Variants in SYT16 observed in about 807,000 individuals in gnomAD.
SYT16 encodes the protein synaptotagmin-16.
A neutral mutation model predicts 61.4 loss-of-function variants in SYT16; 42 were observed. The observed-to-expected ratio is 0.68, with a 90% CI of 0.53 to 0.89. The LOEUF is 0.89. SYT16 is among the 40% of genes least tolerant of loss of function. The probability of loss-of-function intolerance (pLI) is 0.00; values close to 1 mark genes in which losing one functional copy is unlikely to be tolerated. For missense variants in SYT16, 804 were observed against 807.3 expected (o/e 1.00, Z 0.05); for synonymous variants, 314 against 302.3 (o/e 1.04, Z -0.40).
intron 1 of SYT16, among the ~76,000 whole-genome samples, chr14:61,893,342 A>G (rs1232545621): frequency 1.3e-5 from 2 of 152,196 alleles, no homozygotes; most frequent in Non-Finnish European, 2.9e-5. Context: ...AATGCCTTTC[A>G]TTCCTTCTTT....
intron 3 of SYT16, among the ~76,000 whole-genome samples, chr14:62,062,799 A>T (rs2140922757): frequency 6.6e-6 from 1 of 151,608 alleles, no homozygotes; most frequent in South Asian, 2.1e-4. Context: ...TGAAAGTAGC[A>T]CTCGGGTACT....
At chr14:62,065,172 C>CT (rs2056008709) in intron 3 of SYT16, among the ~76,000 whole-genome samples, 3 of 152,206 alleles carry the variant, frequency 2.0e-5, no homozygotes, top group African/African-American at 7.2e-5. Flanking sequence ...CTGAACCTTA[C>CT]TGTGAGGAGT....
intron 1 of SYT16, among the ~76,000 whole-genome samples, chr14:61,824,024 C>T (rs148214810): frequency 6.6e-6 from 1 of 152,194 alleles, no homozygotes; most frequent in Admixed American, 6.5e-5. Context: ...ATCCTGGAGA[C>T]AAACATTTTT....
rs534590385 is a variant in SYT16 at position 62,052,163 on chromosome 14, T to G, written c.524-17440T>G. On this transcript the variant is annotated intron_variant, in intron 3 of 7. Coordinates refer to ENST00000683842, the MANE Select transcript of SYT16 (RefSeq NM_001367656.1). Reference sequence around the variant, plus strand: ...ATCTTAAGTTGACCATTTATCATATTAGTTTTTCAATCTTTTTTTGCTTTC... The same window carrying G: ...ATCTTAAGTTGACCATTTATCATATGAGTTTTTCAATCTTTTTTTGCTTTC... Among the ~76,000 whole-genome samples, 31 of 152,338 alleles carry G rather than the reference T, an allele frequency of 2.0e-4. 1 individual carries two copies. The South Asian group carries it at 6.4e-3, about 32-fold the overall frequency.
chr14:62,105,278 A>G lies in SYT16; in HGVS notation c.*4571A>G, dbSNP rs1187942062. The stretch of plus-strand genomic sequence containing the variant: ...CCAGTTCTCTTATTCATAAATGGAC[A>G]AGGCATCTTGTCGCCTTTATCAAAA... On this transcript the variant is annotated 3_prime_UTR_variant, in exon 8 of 8. Transcript: ENST00000683842. 6.6e-6 allele frequency: 1 copy of G among 152,210 alleles called. No homozygotes were observed. Among genetic ancestry groups the G allele is most frequent in the African/African-American group, 2.4e-5 (1 of 41,456 alleles). 9.4% of individuals were successfully genotyped at this position (152,210 alleles called of 1,614,324 possible).
intron 1 of SYT16, among the ~76,000 whole-genome samples, chr14:61,965,966 T>C (rs2051298914): frequency 6.6e-6 from 1 of 152,122 alleles, no homozygotes; most frequent in African/African-American, 2.4e-5. Context: ...ACTGAAAAAT[T>C]CTGTTGCCCA....
rs370799844 is a variant in SYT16, at chr14:61,831,622, T to C, written c.-325+18812T>C. Among the ~76,000 whole-genome samples, 210 of 152,350 alleles carry C rather than the reference T, an allele frequency of 1.4e-3. 8 individuals are homozygous for C. In the South Asian group the frequency reaches 0.043, roughly 31 times the overall value. Reference sequence around the variant, plus strand: ...ATCTCTTTCTGTGTTTCTTATCTGTTAACTATTCATTGATTCATATTCATA... The same window carrying C: ...ATCTCTTTCTGTGTTTCTTATCTGTCAACTATTCATTGATTCATATTCATA... On this transcript the variant is annotated intron_variant, in intron 1 of 7. Transcript: ENST00000683842.
intron 4 of SYT16, among the ~76,000 whole-genome samples, chr14:62,074,760 G>A (rs2056423042): frequency 6.6e-6 from 1 of 152,140 alleles, no homozygotes; most frequent in African/African-American, 2.4e-5. Context: ...AGGAAGCATG[G>A]TAGAGTCGGG....
chr14:62,100,253 C>T, intron 7 of SYT16, 141 bp from the exon 8 acceptor site: 1 of 706,642 alleles, frequency 1.4e-6, no homozygotes, highest in Non-Finnish European at 2.3e-6. Flanking sequence ...TGCCCAACAG[C>T]AAGAACCAGG....
At chr14:62,088,105 C>T (rs535824914) in intron 7 of SYT16, among the ~76,000 whole-genome samples, 4 of 152,094 alleles carry the variant, frequency 2.6e-5, no homozygotes, top group East Asian at 1.9e-4. Context: ...CTAGCAGTTA[C>T]GTTCTTGGGC....
chr14:61,833,502 G>A (rs1281243038), intron 1 of SYT16, among the ~76,000 whole-genome samples: 1 of 151,690 alleles, frequency 6.6e-6, no homozygotes, highest in Non-Finnish European at 1.5e-5. Flanking sequence ...ATGTTGGTCA[G>A]GCTGGTCTCG....
At chr14:62,088,156 G>A (rs1427805329) in intron 7 of SYT16, among the ~76,000 whole-genome samples, 1 of 152,198 alleles carries the variant, frequency 6.6e-6, no homozygotes, top group Non-Finnish European at 1.5e-5. Context: ...ACCCATGCAA[G>A]AATGTTTATA....
intron 1 of SYT16, among the ~76,000 whole-genome samples, chr14:61,870,902 G>A (rs1365438782): frequency 1.3e-4 from 19 of 151,726 alleles, no homozygotes; most frequent in East Asian, 5.8e-4. Context: ...GTCATTACTG[G>A]GTCTGTTTCT....
intron 3 of SYT16, among the ~76,000 whole-genome samples, chr14:62,051,668 C>T (rs1411981487): frequency 6.6e-6 from 1 of 152,140 alleles, no homozygotes; most frequent in East Asian, 1.9e-4. Flanking sequence ...TTATTTTTTT[C>T]TCTTTGGATT....
intron 3 of SYT16, among the ~76,000 whole-genome samples, chr14:62,044,862 G>T (rs907367501): frequency 6.6e-6 from 1 of 152,140 alleles, no homozygotes; most frequent in South Asian, 2.1e-4. Context: ...ATTTTGTGGA[G>T]AGTGCAGTGG....
chr14:61,881,468 T>C (rs1173164494), intron 1 of SYT16, among the ~76,000 whole-genome samples: 1 of 152,240 alleles, frequency 6.6e-6, no homozygotes, highest in Admixed American at 6.5e-5. Flanking sequence ...TCAAATCCAA[T>C]AGATGGCTCT....
At chr14:61,886,109 C>T (rs936742394) in intron 1 of SYT16, among the ~76,000 whole-genome samples, 7 of 151,954 alleles carry the variant, frequency 4.6e-5, no homozygotes, top group South Asian at 4.2e-4. Flanking sequence ...GGACTAGAGG[C>T]GCCCACCACC....
At chr14:61,865,235 C>A in intron 1 of SYT16, 1 of 971,598 alleles carries the variant, frequency 1.0e-6, no homozygotes, top group Admixed American at 1.8e-5. Context: ...CCATCTGTTG[C>A]TGGACATCAG....
chr14:61,821,403 C>T (rs956853128), intron 1 of SYT16, among the ~76,000 whole-genome samples: 9 of 152,188 alleles, frequency 5.9e-5, no homozygotes, highest in African/African-American at 2.2e-4. Flanking sequence ...AAACACTTAT[C>T]TGTCATTCCA....
Sources: allele counts gnomAD v4.1 joint callset (sites outside exome capture counted in the v4.1 genomes callset), GRCh38; gene constraint gnomAD v4.1.1; transcripts MANE v1.5; gene names NCBI Gene and HGNC (gene_info 2026-07-23, HGNC 2026-07-21).